RASGRF1: variants seen among roughly 807,000 people sequenced by gnomAD.
RASGRF1 encodes the protein ras-specific guanine nucleotide-releasing factor 1.
Under a neutral mutation model 138.7 loss-of-function variants are expected in RASGRF1, and 40 were observed. The ratio of observed to expected loss-of-function variants is 0.29; its 90% CI spans 0.22 to 0.38. The LOEUF (loss-of-function observed/expected upper bound fraction) is 0.38. Among genes scored for constraint, RASGRF1 ranks in the 10% least tolerant of loss-of-function variants. RASGRF1 has a pLI of 1.00. For synonymous variants in RASGRF1, 614 were observed against 663.2 expected (o/e 0.93, Z 1.14); for missense variants, 1,108 against 1,650.4 (o/e 0.67, Z 5.69).
At chr15:79,039,923 C>T (rs982287616) in intron 5 of RASGRF1, among the ~76,000 whole-genome samples, 5 of 152,052 alleles carry the variant, frequency 3.3e-5, no homozygotes, top group Non-Finnish European at 7.4e-5. Flanking sequence ...GTGTGTACCA[C>T]CATGACATTC....
intron 2 of RASGRF1, among the ~76,000 whole-genome samples, chr15:79,061,773 C>T (rs2057610758): frequency 6.6e-6 from 1 of 152,194 alleles, no homozygotes; most frequent in Admixed American, 6.5e-5. Context: ...TACTGCTGAG[C>T]AGCATACCAA....
In RASGRF1 at chr15:79,027,567, CA is replaced by C. The variant is rs1448348372; in HGVS notation, c.1381+173del. On this transcript the variant is annotated intron_variant, in intron 9 of 26. Transcript: ENST00000558480. The surrounding 1 kb of genome is among the most constrained non-coding windows in gnomAD (Gnocchi z 4.8). ...CTGCATCTATATGTATAGATACTGA[CA>C]TCTACATATAGCTGTTGCATTCCGC... Among the ~76,000 whole-genome samples, 1 of 152,256 alleles carries C rather than the reference CA, an allele frequency of 6.6e-6. No individual in the cohort carries two copies. Among genetic ancestry groups the C allele is most frequent in the Admixed American group, 6.5e-5 (1 of 15,294 alleles).
chr15:79,052,925 C>T (rs1320299815), intron 3 of RASGRF1, among the ~76,000 whole-genome samples: 1 of 152,032 alleles, frequency 6.6e-6, no homozygotes, highest in Non-Finnish European at 1.5e-5. Flanking sequence ...CCAGAGCAGT[C>T]TTCTATCTAT....
chr15:79,058,537 C>G, intron 2 of RASGRF1, 56 bp from the exon 3 acceptor site: 2 of 1,596,160 alleles, frequency 1.3e-6, no homozygotes, highest in Non-Finnish European at 1.7e-6. Flanking sequence ...TCTGGCGAAC[C>G]AAGCAGGGCA....
chr15:79,011,153 C>G (rs1260386231), intron 13 of RASGRF1, among the ~76,000 whole-genome samples: 1 of 152,112 alleles, frequency 6.6e-6, no homozygotes, highest in Admixed American at 6.5e-5. Context: ...CCTGCCACTC[C>G]CCTGGGTTTG....
At chr15:79,049,356 G>T in intron 4 of RASGRF1, 140 bp downstream of exon 4, 1 of 752,310 alleles carries the variant, frequency 1.3e-6, no homozygotes, top group Non-Finnish European at 2.2e-6. Context: ...GGGAGTGTGG[G>T]CTCTGTCTTT....
At position 78,973,818 on chromosome 15, in the gene RASGRF1, G is replaced by A. The variant is rs12101924; in HGVS notation, c.3495-398C>T. Among the ~76,000 whole-genome samples the A allele has an allele frequency of 0.024, 3,696 of 151,914 alleles. 163 individuals carry two copies. The highest frequency in any genetic ancestry group is 0.083 in the African/African-American group (3,423 of 41,372). ...GACTCTCCCATCCGGATCCTCCCCC[G>A]AATCACCTCCTGGAGGGCTCTGCAG... On this transcript the variant is annotated intron_variant, in intron 24 of 26. Transcript: ENST00000558480. This position sits in a 1 kb window ranked among gnomAD's most constrained non-coding sequence, Gnocchi z 4.9.
rs2056602663 is a variant in RASGRF1, at chr15:79,003,803, C to G, written c.2448G>C (p.Gln816His). The change falls in exon 15 of 27, where the codon CAG (glutamine) becomes CAC (histidine). Residue 816 changes from glutamine (Q) to histidine (H), a missense_variant and splice_region_variant. Around this residue, in one of 3 missense-constraint regions of RASGRF1, gnomAD observed 686 missense variants for 976.7 expected, o/e 0.70. Transcript: ENST00000558480. The part of the protein sequence containing the change: ...KPEDPSALSK[Q>H]SSEVSMREES... Reference sequence around the variant, plus strand: ...AGCTCCGACGGCATGGCCACTCACTCTGCTTGCTGAGCGCTGAAGGGTCTT... The same window carrying G: ...AGCTCCGACGGCATGGCCACTCACTGTGCTTGCTGAGCGCTGAAGGGTCTT... 6.3e-7 allele frequency: 1 copy of G among 1,587,160 alleles called. No individual in the cohort carries two copies. Among genetic ancestry groups the G allele is most frequent in the African/African-American group, 1.3e-5 (1 of 74,266 alleles).
chr15:79,005,886 C>T (rs1005296836), intron 14 of RASGRF1, among the ~76,000 whole-genome samples: 1 of 152,004 alleles, frequency 6.6e-6, no homozygotes, highest in Non-Finnish European at 1.5e-5. Flanking sequence ...CCTGTGCTTC[C>T]AGGAGCGGGG....
chr15:79,041,085 C>T (rs10152443), intron 5 of RASGRF1, among the ~76,000 whole-genome samples: 83,617 of 152,168 alleles, frequency 0.55, 23,729 homozygotes, highest in East Asian at 0.73. Flanking sequence ...TGGCAAAGTA[C>T]AGCTCATGGG....
In RASGRF1 at chr15:78,973,277, C is replaced by T. The variant is rs2055808006; in HGVS notation, c.3612+26G>A. The T allele has an allele frequency of 6.4e-7, 1 of 1,552,936 alleles. No homozygotes were observed. Among genetic ancestry groups the T allele is most frequent in the African/African-American group, 1.4e-5 (1 of 73,334 alleles). ...TCATCTGGGCTTCAACGCCCCCCTT[C>T]CCCTGCCTGGCTGGGGGGAACGCAC... On this transcript the variant is annotated intron_variant, in intron 25 of 26. Coordinates refer to ENST00000558480, the MANE Select transcript of RASGRF1 (RefSeq NM_001145648.3). The surrounding 1 kb of genome is among the most constrained non-coding windows in gnomAD (Gnocchi z 4.9).
chr15:79,010,040 T>C (rs1369836362), intron 13 of RASGRF1, among the ~76,000 whole-genome samples: 3 of 150,776 alleles, frequency 2.0e-5, no homozygotes, highest in African/African-American at 7.3e-5. Context: ...TTGTTTTTTT[T>C]TTTTTTTCTT....
chr15:79,037,485 G>A (rs1038541949), intron 5 of RASGRF1, among the ~76,000 whole-genome samples: 3 of 151,896 alleles, frequency 2.0e-5, no homozygotes, highest in African/African-American at 4.8e-5. Context: ...TTGAGGTGGA[G>A]TCTTGCTCTG....
At chr15:79,054,204 G>T (rs2057477135) in intron 3 of RASGRF1, among the ~76,000 whole-genome samples, 2 of 152,230 alleles carry the variant, frequency 1.3e-5, no homozygotes. Context: ...TAGGGAAAGA[G>T]GTTATGGACA....
chr15:79,027,603 G>T lies in RASGRF1; in HGVS notation c.1381+138C>A. 1 of 697,500 alleles carries T rather than the reference G, an allele frequency of 1.4e-6. No homozygotes were observed. The highest frequency in any genetic ancestry group is 2.6e-5 in the East Asian group (1 of 38,612). 43.2% of individuals were successfully genotyped at this position (697,500 alleles called of 1,614,324 possible). A position where few individuals can be genotyped will look rare whatever the true frequency, so the allele number is the denominator to read the frequency against. ...AGCTGTTGCATTCCGCCAGCAGCCT[G>T]GGAATATTCTGCAATCACATTGGCA... is the stretch of plus-strand genomic sequence containing the variant. On this transcript the variant is annotated intron_variant, in intron 9 of 26. Coordinates refer to ENST00000558480, the MANE Select transcript of RASGRF1 (RefSeq NM_001145648.3). The surrounding 1 kb of genome is among the most constrained non-coding windows in gnomAD (Gnocchi z 4.8).
At chr15:79,059,943 C>G (rs550702902) in intron 2 of RASGRF1, among the ~76,000 whole-genome samples, 2 of 142,834 alleles carry the variant, frequency 1.4e-5, no homozygotes, top group African/African-American at 5.1e-5. Context: ...TGGAAGACAG[C>G]CAGTGTCTCC....
chr15:79,006,497 A>G lies in RASGRF1; in HGVS notation c.1827-63T>C. 6.5e-7 allele frequency: 1 copy of G among 1,545,886 alleles called. No individual in the cohort carries two copies. The highest frequency in any genetic ancestry group is 8.7e-7 in the Non-Finnish European group (1 of 1,143,640). On this transcript the variant is annotated intron_variant, in intron 13 of 26. Coordinates refer to ENST00000558480, the MANE Select transcript of RASGRF1 (RefSeq NM_001145648.3). This position sits in a 1 kb window ranked among gnomAD's most constrained non-coding sequence, Gnocchi z 4.0. ...TAAAGGCATCTGAATGGCACCCACCAGGCCTGCTCATCACTGCTTCCCCCA... is the reference window on the plus strand; with the variant it reads ...TAAAGGCATCTGAATGGCACCCACCGGGCCTGCTCATCACTGCTTCCCCCA...
At chr15:79,000,089 G>A (rs1312472150) in intron 16 of RASGRF1, among the ~76,000 whole-genome samples, 176 bp from the exon 17 acceptor site, 1 of 152,174 alleles carries the variant, frequency 6.6e-6, no homozygotes, top group African/African-American at 2.4e-5. Context: ...TGTGTTAGAA[G>A]CTCTGGGGAG....
rs986505908 is a variant in RASGRF1 at position 79,004,854 on chromosome 15, C to T, written c.2076-679G>A. 11 of 984,948 alleles carry T rather than the reference C, an allele frequency of 1.1e-5. No homozygotes were observed. The South Asian group carries it at 2.4e-4, about 21-fold the overall frequency. The allele number at this position is 984,948 out of a possible 1,614,324, so 61.0% of individuals were successfully genotyped here. On this transcript the variant is annotated intron_variant, in intron 14 of 26. Coordinates refer to ENST00000558480, the MANE Select transcript of RASGRF1 (RefSeq NM_001145648.3). ...GATAGGATTGATCTTTTAACCCTCA[C>T]TGTTGCCCCAGGACGTAGGCACTCT...
Sources: gnomAD v4.1 joint callset for allele counts (sites outside exome capture counted in the v4.1 genomes callset) on GRCh38, gnomAD v4.1.1 for gene constraint, gnomAD v4.1.1 regional missense constraint, Gnocchi (gnomAD v3.1) non-coding constraint, MANE v1.5 for transcripts, NCBI Gene and HGNC (gene_info 2026-07-23, HGNC 2026-07-21) for gene names.